The following SNTG1 variants were observed in gnomAD, a reference collection of about 807,000 sequenced individuals.
SNTG1 encodes the protein syntrophin gamma 1.
A neutral mutation model predicts 74.7 loss-of-function variants in SNTG1; 39 were observed. The observed-to-expected ratio is 0.52, with a 90% confidence interval of 0.40 to 0.68. The LOEUF (loss-of-function observed/expected upper bound fraction) is 0.68. Among genes scored for constraint, SNTG1 ranks in the 30% least tolerant of loss-of-function variants. SNTG1 has a pLI of 0.00. For missense variants in SNTG1, 685 were observed against 609.5 expected, an observed-to-expected ratio of 1.12 and a Z score of -1.30; for synonymous variants, 254 against 217.1, an observed-to-expected ratio of 1.17 and a Z score of -1.49.
intron 1 of SNTG1, among the ~76,000 whole-genome samples, chr8:49,980,786 C>A (rs2130131555): frequency 6.6e-6 from 1 of 152,026 alleles, no homozygotes; most frequent in East Asian, 1.9e-4. Context: ...AAAAAGTATT[C>A]TTTAGGGAAA....
intron 1 of SNTG1, among the ~76,000 whole-genome samples, chr8:50,045,565 T>G (rs1586033815): frequency 6.6e-6 from 1 of 152,290 alleles, no homozygotes; most frequent in East Asian, 1.9e-4. Flanking sequence ...ACATCTAAAC[T>G]TTATTACTTA....
chr8:50,146,910 T>C (rs1014664000), intron 1 of SNTG1, among the ~76,000 whole-genome samples: 1 of 152,198 alleles, frequency 6.6e-6, no homozygotes, highest in Non-Finnish European at 1.5e-5. Context: ...ACATTCTGGA[T>C]ATAAATTCTT....
At chr8:50,359,302 A>G (rs2091898059) in intron 2 of SNTG1, among the ~76,000 whole-genome samples, 1 of 152,158 alleles carries the variant, frequency 6.6e-6, no homozygotes, top group South Asian at 2.1e-4. Context: ...TTCTCAGCCC[A>G]CAGGCTTCAC....
chr8:50,678,722 A>G (rs1248468024), intron 15 of SNTG1, among the ~76,000 whole-genome samples: 16 of 152,164 alleles, frequency 1.1e-4, no homozygotes, highest in Admixed American at 1.0e-3. Flanking sequence ...TAAAATTAGA[A>G]GCATGCAAAA....
intron 1 of SNTG1, among the ~76,000 whole-genome samples, chr8:49,919,826 T>C (rs1376687665): frequency 6.6e-6 from 1 of 152,060 alleles, no homozygotes; most frequent in Non-Finnish European, 1.5e-5. Flanking sequence ...CTAGACTATT[T>C]CCCTTTTGTT....
At chr8:50,116,397 C>T (rs901783856) in intron 1 of SNTG1, among the ~76,000 whole-genome samples, 8 of 152,152 alleles carry the variant, frequency 5.3e-5, no homozygotes, top group African/African-American at 1.7e-4. Context: ...TTTTCCCCAA[C>T]TCCACTCTTA....
chr8:50,500,320 T>C (rs1198365770), intron 8 of SNTG1, among the ~76,000 whole-genome samples: 19 of 151,916 alleles, frequency 1.3e-4, no homozygotes, highest in Admixed American at 1.1e-3. Flanking sequence ...CTCTCTCTCA[T>C]TCCTACTTTG....
chr8:50,520,550 T>C (rs1216370974), intron 9 of SNTG1, among the ~76,000 whole-genome samples: 2 of 151,906 alleles, frequency 1.3e-5, no homozygotes, highest in Admixed American at 6.6e-5. Context: ...ATCCAGAATC[T>C]ATGAGGAATG....
intron 2 of SNTG1, among the ~76,000 whole-genome samples, chr8:50,305,566 T>C (rs1422039952): frequency 1.3e-5 from 2 of 150,658 alleles, no homozygotes; most frequent in African/African-American, 4.9e-5. Flanking sequence ...CTGTATGTCT[T>C]CCATTCCATT....
intron 1 of SNTG1, among the ~76,000 whole-genome samples, chr8:50,140,569 T>C (rs553879687): frequency 7.9e-4 from 120 of 152,200 alleles, no homozygotes; most frequent in African/African-American, 2.7e-3. Context: ...TGTTAGTGTG[T>C]ATGTGTGAAT....
intron 1 of SNTG1, among the ~76,000 whole-genome samples, chr8:50,165,800 C>T (rs1354611346): frequency 1.3e-5 from 2 of 152,098 alleles, no homozygotes; most frequent in South Asian, 2.1e-4. Context: ...ACTAGTTGAA[C>T]CTAAAGTCGC....
At chr8:50,212,342 T>G (rs1375105810) in intron 2 of SNTG1, among the ~76,000 whole-genome samples, 1 of 152,128 alleles carries the variant, frequency 6.6e-6, no homozygotes, top group Non-Finnish European at 1.5e-5. Context: ...TGATAGAGAT[T>G]TTATCAAATG....
Position 49,980,521 on chromosome 8 carries a change from C to CAAAAAAAAAAAAA in SNTG1, c.-103+68308_-103+68320dup, listed in dbSNP as rs565561398. On this transcript the variant is annotated intron_variant, in intron 1 of 18. Coordinates refer to ENST00000642720, the MANE Select transcript of SNTG1 (RefSeq NM_018967.5). ...ACATCCCTTCCTGTAGACTCCTTCG[C>CAAAAAAAAAAAAA]AAAAAAAAAAAAAAAAAAAAAAAAA... 4.1e-4 allele frequency among the ~76,000 whole-genome samples: 22 copies of CAAAAAAAAAAAAA among 53,830 alleles called. 3 individuals are homozygous for CAAAAAAAAAAAAA. Among genetic ancestry groups the CAAAAAAAAAAAAA allele is most frequent in the African/African-American group, 1.5e-3 (21 of 13,596 alleles). The allele number at this position is 53,830 out of a possible 152,430, so 35.3% of individuals were successfully genotyped here.
At chr8:50,486,124 C>T (rs1386847489) in intron 8 of SNTG1, among the ~76,000 whole-genome samples, 4 of 152,168 alleles carry the variant, frequency 2.6e-5, no homozygotes, top group Admixed American at 2.6e-4. Flanking sequence ...ATTGACTTGG[C>T]GATGCAGGCT....
intron 1 of SNTG1, among the ~76,000 whole-genome samples, chr8:50,137,318 T>C (rs1420381968): frequency 6.6e-6 from 1 of 152,176 alleles, no homozygotes; most frequent in Non-Finnish European, 1.5e-5. Flanking sequence ...ATCGTCCTGC[T>C]GATGGGACGC....
At chr8:50,498,021 G>T in intron 8 of SNTG1, among the ~76,000 whole-genome samples, 1 of 151,354 alleles carries the variant, frequency 6.6e-6, no homozygotes, top group Non-Finnish European at 1.5e-5. Flanking sequence ...CTTTTTGATG[G>T]ACATTTGAGT....
intron 1 of SNTG1, among the ~76,000 whole-genome samples, chr8:49,966,540 A>G (rs559894891): frequency 1.3e-5 from 2 of 151,882 alleles, no homozygotes; most frequent in African/African-American, 4.8e-5. Context: ...GACTACAGGC[A>G]CCCGCTACCA....
At chr8:50,502,630 T>C in intron 8 of SNTG1, 148 bp from the exon 9 acceptor site, 2 of 620,666 alleles carry the variant, frequency 3.2e-6, no homozygotes, top group African/African-American at 1.8e-5. Context: ...CAATGATAAA[T>C]AATTAGCTCC....
At chr8:50,259,556 G>A (rs1275754974) in intron 2 of SNTG1, among the ~76,000 whole-genome samples, 25 of 86,964 alleles carry the variant, frequency 2.9e-4, no homozygotes, top group Admixed American at 7.8e-4. Context: ...AAGAAAGAAA[G>A]AAAGAAAGAA....
Sources: gnomAD v4.1 joint callset for allele counts (sites outside exome capture counted in the v4.1 genomes callset) on GRCh38, gnomAD v4.1.1 for gene constraint, MANE v1.5 for transcripts, NCBI Gene and HGNC (gene_info 2026-07-23, HGNC 2026-07-21) for gene names.